ATP10A: variants seen among roughly 807,000 people sequenced by gnomAD.
ATP10A encodes the protein ATPase phospholipid transporting 10A (putative).
A neutral mutation model predicts 147.8 loss-of-function variants in ATP10A; 111 were observed. The observed-to-expected ratio is 0.75, with a 90% CI of 0.64 to 0.88. The LOEUF is 0.88. Among genes scored for constraint, ATP10A ranks in the 40% least tolerant of loss-of-function variants. The pLI, the probability that ATP10A is intolerant of heterozygous loss-of-function variation, is 0.00. For missense variants in ATP10A, 1,927 were observed against 1,959.0 expected (o/e 0.98, Z 0.31); for synonymous variants, 875 against 841.6 (o/e 1.04, Z -0.69).
At chr15:25,840,968 G>A (rs931960751) in intron 1 of ATP10A, among the ~76,000 whole-genome samples, 5 of 151,984 alleles carry the variant, frequency 3.3e-5, no homozygotes, top group African/African-American at 1.2e-4. Context: ...CTCATGTCTT[G>A]CCCATTTTTA....
intron 1 of ATP10A, among the ~76,000 whole-genome samples, chr15:25,838,405 C>G (rs925280920): frequency 4.6e-5 from 7 of 152,144 alleles, no homozygotes; most frequent in Non-Finnish European, 1.0e-4. Flanking sequence ...ATTCCAAGTG[C>G]CTTGTCTATG....
chr15:25,863,090 G>A lies in ATP10A; in HGVS notation c.7C>T (p.Arg3Trp), dbSNP rs1221961792. Residue 3 changes from arginine (R) to tryptophan (W), a missense_variant, in exon 1 of 21, where the codon CGG becomes TGG. Transcript: ENST00000555815. Reference protein sequence around the residue: MEREPAGTEEPGP... With the variant: MEWEPAGTEEPGP... The stretch of plus-strand genomic sequence containing the variant: ...GGCTCCTCGGTCCCCGCCGGCTCCC[G>A]CTCCATGGCCGCGTGTCGCCGCGCC... 1.7e-6 allele frequency: 2 copies of A among 1,192,046 alleles called. No homozygotes were observed. The highest frequency in any genetic ancestry group is 1.6e-5 in the African/African-American group (1 of 62,438). The allele number at this position is 1,192,046 out of a possible 1,614,324, so 73.8% of individuals were successfully genotyped here.
In ATP10A at chr15:25,862,904, T is replaced by A; in HGVS notation, c.193A>T (p.Lys65Ter). 4 of 1,609,668 alleles carry A rather than the reference T, an allele frequency of 2.5e-6. No individual in the cohort carries two copies. The highest frequency in any genetic ancestry group is 3.4e-6 in the Non-Finnish European group (4 of 1,178,602). ...CAQHLADNRL[K>*]TTKYTLLSFL... Reference sequence around the variant, plus strand: ...GACAGCAGCGTGTACTTGGTAGTCTTGAGCCGGTTGTCGGCCAGGTGCTGG... The same window carrying A: ...GACAGCAGCGTGTACTTGGTAGTCTAGAGCCGGTTGTCGGCCAGGTGCTGG... The change falls in exon 1 of 21, where the codon AAG becomes TAG. Residue 65 changes from lysine to a stop codon, truncating the protein, a stop_gained. Coordinates refer to ENST00000555815, the MANE Select transcript of ATP10A (RefSeq NM_024490.4). LOFTEE classifies it high-confidence loss of function.
At chr15:25,744,277 G>A (rs777910465) in intron 2 of ATP10A, among the ~76,000 whole-genome samples, 1 of 152,064 alleles carries the variant, frequency 6.6e-6, no homozygotes, top group African/African-American at 2.4e-5. Flanking sequence ...ATTCCAAATT[G>A]CTAGAACCCC....
chr15:25,841,106 T>C (rs374196250), intron 1 of ATP10A, among the ~76,000 whole-genome samples: 6 of 152,308 alleles, frequency 3.9e-5, no homozygotes, highest in African/African-American at 4.8e-5. Context: ...CTCTTTTTCA[T>C]TGGATCTTTC....
chr15:25,827,282 G>T (rs558269778), intron 1 of ATP10A, among the ~76,000 whole-genome samples: 3 of 152,278 alleles, frequency 2.0e-5, no homozygotes, highest in African/African-American at 7.2e-5. Context: ...AGTCCTTCAG[G>T]CTGAAATGAA....
intron 1 of ATP10A, among the ~76,000 whole-genome samples, chr15:25,814,179 A>G (rs1891551667): frequency 6.6e-6 from 1 of 152,236 alleles, no homozygotes; most frequent in Non-Finnish European, 1.5e-5. Flanking sequence ...AGTAAAGGTA[A>G]GAACTATAAC....
At chr15:25,748,800 A>G (rs1184060643) in intron 2 of ATP10A, among the ~76,000 whole-genome samples, 1 of 152,090 alleles carries the variant, frequency 6.6e-6, no homozygotes, top group Non-Finnish European at 1.5e-5. Flanking sequence ...CATGCCTGTA[A>G]TCCCAGCACT....
chr15:25,735,943 A>G, intron 3 of ATP10A, 113 bp downstream of exon 3: 3 of 977,188 alleles, frequency 3.1e-6, no homozygotes, highest in Non-Finnish European at 4.8e-6. Flanking sequence ...CCAAACAGCT[A>G]CACCATGTGG....
At chr15:25,717,537 C>T (rs1175599809) in intron 8 of ATP10A, among the ~76,000 whole-genome samples, 1 of 152,194 alleles carries the variant, frequency 6.6e-6, no homozygotes, top group Non-Finnish European at 1.5e-5. Context: ...TGAGAGCCCC[C>T]ACTCCCAGGG....
intron 13 of ATP10A, 117 bp downstream of exon 13, chr15:25,701,799 C>T (rs1028644847): frequency 1.3e-5 from 13 of 1,035,686 alleles, no homozygotes; most frequent in Admixed American, 4.9e-5. Context: ...AACCCGAATG[C>T]GGAGGGTGAG....
Position 25,836,244 on chromosome 15 carries a change from G to A in ATP10A, c.449+26404C>T, listed in dbSNP as rs368214195. ...GATTACAGGTGTGGGCCCCCAGCCT[G>A]GGAGTATTCTACTTTTTCTTCCTCT... On this transcript the variant is annotated intron_variant, in intron 1 of 20. Coordinates refer to ENST00000555815, the MANE Select transcript of ATP10A (RefSeq NM_024490.4). Among the ~76,000 whole-genome samples, 7 of 152,250 alleles carry A rather than the reference G, an allele frequency of 4.6e-5. No individual in the cohort carries two copies. The East Asian group carries it at 1.2e-3, about 25-fold the overall frequency.
chr15:25,739,377 C>T (rs1485579393), intron 2 of ATP10A, among the ~76,000 whole-genome samples: 1 of 152,160 alleles, frequency 6.6e-6, no homozygotes. Context: ...CTTACCAGAG[C>T]CCACTCAAAA....
rs114386230 is a variant in ATP10A, at chr15:25,716,851, C to T, written c.1655G>A (p.Arg552Lys). 3.7e-6 allele frequency: 6 copies of T among 1,610,732 alleles called. No individual in the cohort carries two copies. The African/African-American group carries it at 8.0e-5, about 22-fold the overall frequency. ...GTGGGCCAGCAGGTGCTCCTGATGC[C>T]TCGCCACGGCTAGGCTCTTGTCACA... ...SECDKSLAVA[R>K]HQEHLLAHLS... Residue 552 changes from arginine to lysine, a missense_variant, in exon 9 of 21, where the codon AGG becomes AAG. Physicochemically the swap from Arg to Lys is conservative, Grantham distance 26. Transcript: ENST00000555815.
At position 25,819,967 on chromosome 15, in the gene ATP10A, G is replaced by A. The variant is rs140135586; in HGVS notation, c.450-38744C>T. ...GGTGAGGGATGAGAAGTTACTTAAT[G>A]TGCATTATATACATGTGGTAGATAC... On this transcript the variant is annotated intron_variant, in intron 1 of 20. Coordinates refer to ENST00000555815, the MANE Select transcript of ATP10A (RefSeq NM_024490.4). Among the ~76,000 whole-genome samples, 1,180 of 152,172 alleles carry A rather than the reference G, an allele frequency of 7.8e-3. 14 individuals carry two copies. Among genetic ancestry groups the A allele is most frequent in the African/African-American group, 0.026 (1,069 of 41,516 alleles).
At chr15:25,701,198 G>A (rs1900643410) in intron 13 of ATP10A, among the ~76,000 whole-genome samples, 1 of 152,208 alleles carries the variant, frequency 6.6e-6, no homozygotes, top group Non-Finnish European at 1.5e-5. Context: ...GGGGGCTGCT[G>A]CAATAACTCA....
intron 12 of ATP10A, among the ~76,000 whole-genome samples, chr15:25,705,886 G>A (rs981304613): frequency 1.3e-5 from 2 of 152,304 alleles, no homozygotes; most frequent in African/African-American, 2.4e-5. Flanking sequence ...TCCAGTGCAC[G>A]GCTGGCACCC....
intron 14 of ATP10A, 97 bp from the exon 15 acceptor site, chr15:25,691,888 A>G (rs1900057291): frequency 7.0e-6 from 10 of 1,429,838 alleles, no homozygotes; most frequent in Admixed American, 1.7e-5. Context: ...CGCTGAACTC[A>G]GTCCTGTGAA....
chr15:25,828,586 G>A (rs534309106), intron 1 of ATP10A, among the ~76,000 whole-genome samples: 214 of 152,314 alleles, frequency 1.4e-3, no homozygotes, highest in Non-Finnish European at 2.4e-3. Context: ...AATACTTTGA[G>A]ATGAACGCAA....
Sources: allele counts gnomAD v4.1 joint callset (sites outside exome capture counted in the v4.1 genomes callset), GRCh38; gene constraint gnomAD v4.1.1; transcripts MANE v1.5; gene names NCBI Gene and HGNC (gene_info 2026-07-23, HGNC 2026-07-21).